The following CNBD1 variants were observed in gnomAD, a reference collection of about 807,000 sequenced individuals.
The protein encoded by CNBD1 is cyclic nucleotide binding domain containing 1, also known as cyclic nucleotide-binding domain-containing protein 1.
Under a neutral mutation model 54.4 loss-of-function variants are expected in CNBD1, and 71 were observed. The observed-to-expected ratio is 1.30, with a 90% confidence interval of 1.08 to 1.59. The LOEUF is 1.59. Ranked by LOEUF, CNBD1 falls within the 40% of genes most tolerant of loss-of-function variation. CNBD1 has a pLI of 0.00. For synonymous variants in CNBD1, 182 were observed against 170.7 expected (o/e 1.07, Z -0.51); for missense variants, 659 against 518.0 (o/e 1.27, Z -2.64).
chr8:86,995,576 A>C (rs1367644382), intron 4 of CNBD1, among the ~76,000 whole-genome samples: 1 of 152,174 alleles, frequency 6.6e-6, no homozygotes, highest in East Asian at 1.9e-4. Flanking sequence ...AAAAAGAAAA[A>C]TAAGGGGATT....
chr8:87,286,664 A>C lies in CNBD1; in HGVS notation c.1035A>C (p.Pro345=). 6.5e-7 allele frequency: 1 copy of C among 1,541,140 alleles called. No individual in the cohort carries two copies. Among genetic ancestry groups the C allele is most frequent in the Non-Finnish European group, 8.8e-7 (1 of 1,139,762 alleles). The change falls in exon 8 of 11, where the codon CCA becomes CCC. Residue 345 remains proline (P), a synonymous_variant. Coordinates refer to ENST00000518476, the MANE Select transcript of CNBD1 (RefSeq NM_173538.3). ...IALLKWKKFP[P]GHVIVESGNI... is the part of the protein sequence containing the mutation. ...TCCTTAAATGGAAAAAATTTCCTCC[A>C]GGTCATGGTAAGTTTAATGCAATTT...
rs556845076 is a variant in CNBD1, at chr8:87,381,544, A to G, written c.1304-1076A>G. Among the ~76,000 whole-genome samples, 6 of 152,156 alleles carry G rather than the reference A, an allele frequency of 3.9e-5. No homozygotes were observed. In the East Asian group the frequency reaches 1.2e-3, roughly 29 times the overall value. On this transcript the variant is annotated intron_variant, in intron 10 of 10. Transcript: ENST00000518476. ...TCTAGATATTTTCTAAAGGAATTTA[A>G]ATTGGGATCTCAAAGAGATATTAGC...
At chr8:86,954,040 C>T (rs748223220) in intron 4 of CNBD1, among the ~76,000 whole-genome samples, 1 of 152,152 alleles carries the variant, frequency 6.6e-6, no homozygotes. Flanking sequence ...ATAAGTCATC[C>T]ATTTAAATCA....
intron 1 of CNBD1, among the ~76,000 whole-genome samples, chr8:86,883,073 T>C (rs1586109183): frequency 6.6e-6 from 1 of 152,048 alleles, no homozygotes; most frequent in Non-Finnish European, 1.5e-5. Flanking sequence ...TAATGGATAC[T>C]AGGCTTAATA....
Position 87,203,804 on chromosome 8 carries a change from C to A in CNBD1, c.432-2189C>A, listed in dbSNP as rs149460422. The stretch of plus-strand genomic sequence containing the variant: ...ATGATTATTTGTTGCTATCCCCTTA[C>A]ACGATACACAATAGCAGAGCCAGGA... On this transcript the variant is annotated intron_variant, in intron 4 of 10. Coordinates refer to ENST00000518476, the MANE Select transcript of CNBD1 (RefSeq NM_173538.3). Among the ~76,000 whole-genome samples, 581 of 152,242 alleles carry A rather than the reference C, an allele frequency of 3.8e-3. 2 individuals carry two copies. Among genetic ancestry groups the A allele is most frequent in the African/African-American group, 0.013 (557 of 41,534 alleles).
chr8:87,216,257 G>C, intron 5 of CNBD1, among the ~76,000 whole-genome samples: 1 of 152,018 alleles, frequency 6.6e-6, no homozygotes, highest in East Asian at 1.9e-4. Flanking sequence ...AAATACAAAA[G>C]AAATTTTAAA....
intron 8 of CNBD1, among the ~76,000 whole-genome samples, chr8:87,320,040 C>G (rs1336125093): frequency 6.6e-6 from 1 of 151,998 alleles, no homozygotes; most frequent in Admixed American, 6.6e-5. Flanking sequence ...ATTCCAAAAT[C>G]AAGTACAGAC....
rs988778415 is a variant in CNBD1, at chr8:87,327,405, C to G, written c.1043-24280C>G. ...ATGGTGGGCGCCCCTCCCCCACCCT[C>G]GCTGCTGCCTTGCAGTTTGATCTCA... On this transcript the variant is annotated intron_variant, in intron 8 of 10. Coordinates refer to ENST00000518476, the MANE Select transcript of CNBD1 (RefSeq NM_173538.3). Among the ~76,000 whole-genome samples, 29 of 152,062 alleles carry G rather than the reference C, an allele frequency of 1.9e-4. 1 individual carries two copies. The highest frequency in any genetic ancestry group is 9.7e-4 in the East Asian group (5 of 5,162).
intron 2 of CNBD1, among the ~76,000 whole-genome samples, chr8:87,388,750 A>G (rs983942320): frequency 3.3e-5 from 5 of 152,348 alleles, no homozygotes; most frequent in Non-Finnish European, 5.9e-5. Flanking sequence ...AACTCATTTT[A>G]TGAGGCCTAC....
intron 2 of CNBD1, among the ~76,000 whole-genome samples, chr8:86,892,935 T>G (rs1808794881): frequency 6.6e-6 from 1 of 152,190 alleles, no homozygotes; most frequent in African/African-American, 2.4e-5. Context: ...GGACTTTTAT[T>G]TTTATGGATA....
At chr8:87,273,143 CAGT>C (rs1563533121) in intron 6 of CNBD1, among the ~76,000 whole-genome samples, 2 of 151,718 alleles carry the variant, frequency 1.3e-5, no homozygotes, top group Non-Finnish European at 2.9e-5. Context: ...GATTATATAA[CAGT>C]AGTACAGTAA....
chr8:87,101,516 A>T (rs919746694), intron 4 of CNBD1, among the ~76,000 whole-genome samples: 1 of 152,114 alleles, frequency 6.6e-6, no homozygotes, highest in African/African-American at 2.4e-5. Context: ...AACTGACAGA[A>T]CTAAAAGGGA....
intron 4 of CNBD1, among the ~76,000 whole-genome samples, chr8:87,051,992 C>T (rs913300720): frequency 2.0e-5 from 3 of 152,126 alleles, no homozygotes; most frequent in Non-Finnish European, 2.9e-5. Context: ...TCCAGTGGTC[C>T]CCACCACAAG....
chr8:87,284,126 A>C (rs1808648614), intron 6 of CNBD1, among the ~76,000 whole-genome samples: 1 of 152,024 alleles, frequency 6.6e-6, no homozygotes, highest in Admixed American at 6.6e-5. Flanking sequence ...AGTAAATATA[A>C]ATGTAGGTTC....
chr8:87,384,955 CTT>C (rs1388214085), downstream of CNBD1, among the ~76,000 whole-genome samples: 1 of 152,094 alleles, frequency 6.6e-6, no homozygotes, highest in Non-Finnish European at 1.5e-5. Flanking sequence ...ACCATAGAAA[CTT>C]GGTAAGGACT....
intron 6 of CNBD1, among the ~76,000 whole-genome samples, chr8:87,266,037 C>T (rs533469850): frequency 1.3e-5 from 2 of 151,860 alleles, no homozygotes; most frequent in African/African-American, 4.8e-5. Flanking sequence ...CACTGTAAGC[C>T]AGTACTTTTG....
At chr8:87,267,075 G>A (rs897856829) in intron 6 of CNBD1, among the ~76,000 whole-genome samples, 2 of 152,030 alleles carry the variant, frequency 1.3e-5, no homozygotes, top group African/African-American at 4.8e-5. Context: ...AAAAGACAAG[G>A]CACACACTGA....
At chr8:86,908,800 T>TTTTTTTGAGACGGAGTCC (rs1554629463) in intron 3 of CNBD1, among the ~76,000 whole-genome samples, 1 of 135,776 alleles carries the variant, frequency 7.4e-6, no homozygotes, top group Non-Finnish European at 1.6e-5. Context: ...TTTTTTTTTT[T>TTTTTTTGAGACGGAGTCC]TGTGCTGAGG....
intron 8 of CNBD1, among the ~76,000 whole-genome samples, chr8:87,318,615 C>T (rs560410234): frequency 5.9e-5 from 9 of 151,754 alleles, no homozygotes; most frequent in East Asian, 1.9e-4. Flanking sequence ...TTCCCAGAAA[C>T]GCTGGAGGCA....
Sources: allele counts gnomAD v4.1 joint callset (sites outside exome capture counted in the v4.1 genomes callset), GRCh38; gene constraint gnomAD v4.1.1; transcripts MANE v1.5; gene names NCBI Gene and HGNC (gene_info 2026-07-23, HGNC 2026-07-21).